The following ABCA6 variants were observed in gnomAD, a reference collection of about 807,000 sequenced individuals.
ABCA6 encodes ATP binding cassette subfamily A member 6, also known as ATP-binding cassette sub-family A member 6.
ABCA6 carries 164 observed loss-of-function variants against 191.2 expected under a neutral mutation model. The ratio of observed to expected loss-of-function variants is 0.86; its 90% CI spans 0.76 to 0.98. The LOEUF is 0.98. ABCA6 is among the 50% of genes least tolerant of loss of function. ABCA6 has a pLI of 0.00. For missense variants in ABCA6, 1,958 were observed against 1,894.1 expected, an observed-to-expected ratio of 1.03 and a Z score of -0.63; for synonymous variants, 636 against 647.7, an observed-to-expected ratio of 0.98 and a Z score of 0.27.
intron 2 of ABCA6, 77 bp from the exon 3 acceptor site, chr17:69,137,577 T>C (rs1330678501): frequency 5.9e-6 from 8 of 1,367,318 alleles, no homozygotes; most frequent in African/African-American, 1.5e-5. Context: ...CAAAATACTG[T>C]TGAAAACAAA....
At chr17:69,131,024 C>A (rs2073852408) in intron 6 of ABCA6, among the ~76,000 whole-genome samples, 1 of 152,144 alleles carries the variant, frequency 6.6e-6, no homozygotes, top group Admixed American at 6.6e-5. Context: ...AATCTTAGAT[C>A]TAACAAGACT....
Position 69,087,355 on chromosome 17 carries a change from C to G in ABCA6, c.3817G>C (p.Glu1273Gln). 6.2e-7 allele frequency: 1 copy of G among 1,612,760 alleles called. No homozygotes were observed. Among genetic ancestry groups the G allele is most frequent in the Non-Finnish European group, 8.5e-7 (1 of 1,179,558 alleles). Residue 1273 changes from glutamate (E) to glutamine (Q), a missense_variant and splice_region_variant, in exon 29 of 39, where the codon GAG (glutamate) becomes CAG (glutamine). Transcript: ENST00000284425. ...ATALTTSILD[E>Q]KPVIIASCLH... ...CATTTTGCCCCTTGCTTTTTTACCT[C>G]ATCTAAGATTGAAGTGGTCAGAGCA... is the stretch of plus-strand genomic sequence containing the variant.
Position 69,112,251 on chromosome 17 carries a change from A to C in ABCA6, c.2064T>G (p.Asn688Lys), listed in dbSNP as rs1229482194. Residue 688 changes from asparagine to lysine, a missense_variant, in exon 16 of 39, where the codon AAT becomes AAG. By Grantham distance (94) the Asn-to-Lys change is moderately conservative. Transcript: ENST00000284425. Reference protein sequence around the residue: ...ILADRKVIMSNGRLKCAGSSM... With the variant: ...ILADRKVIMSKGRLKCAGSSM... ...AAGAACCTGCACACTTCAGTCTCCCATTGGACATGATCACTTTTCTATCTG... is the reference window on the plus strand; with the variant it reads ...AAGAACCTGCACACTTCAGTCTCCCCTTGGACATGATCACTTTTCTATCTG... 5 of 1,612,238 alleles carry C rather than the reference A, an allele frequency of 3.1e-6. No individual in the cohort carries two copies. Among genetic ancestry groups the C allele is most frequent in the Non-Finnish European group, 4.2e-6 (5 of 1,178,782 alleles).
At chr17:69,095,151 A>T in intron 25 of ABCA6, 1 of 208,890 alleles carries the variant, frequency 4.8e-6, no homozygotes, top group Non-Finnish European at 1.0e-5. Flanking sequence ...TTCTACAGAC[A>T]TCTGATCTAG....
rs1206857039 is a variant in ABCA6 at position 69,110,870 on chromosome 17, T to C, written c.2203A>G (p.Lys735Glu). 1.9e-6 allele frequency: 3 copies of C among 1,612,200 alleles called. No individual in the cohort carries two copies. Among genetic ancestry groups the C allele is most frequent in the South Asian group, 1.1e-5 (1 of 90,972 alleles). The change falls in exon 17 of 39, where the codon AAA (lysine) becomes GAA (glutamate). Residue 735 changes from lysine to glutamate, a missense_variant. Lys to Glu is a moderately conservative substitution (Grantham distance 56). Coordinates refer to ENST00000284425, the MANE Select transcript of ABCA6 (RefSeq NM_080284.3). ...TTTTCTTTGTTTTCTGTTTTTAATT[T>C]AGCATCGGGGATGTGATGAGTAATG... ...SFITHHIPDA[K>E]LKTENKEKLV... is the part of the protein sequence containing the mutation.
Position 69,089,465 on chromosome 17 carries a change from T to C in ABCA6, c.3606A>G (p.Ile1202Met), listed in dbSNP as rs202198262. 5.0e-6 allele frequency: 8 copies of C among 1,613,522 alleles called. No homozygotes were observed. In the African/African-American group the frequency reaches 9.3e-5, roughly 19 times the overall value. Residue 1202 changes from isoleucine (I) to methionine (M), a missense_variant and splice_region_variant, in exon 27 of 39, where the codon ATA becomes ATG. Coordinates refer to ENST00000284425, the MANE Select transcript of ABCA6 (RefSeq NM_080284.3). ...TGCTGAGGTGGAAAGCCCTTCTTAC[T>C]ATGAAGCAGACTAGAAAATCAGTGG... ...LSATDFLVCF[I>M]PYFQTLLFVF...
chr17:69,086,456 C>G (rs998634889), intron 30 of ABCA6, among the ~76,000 whole-genome samples, 162 bp downstream of exon 30: 4 of 143,326 alleles, frequency 2.8e-5, no homozygotes, highest in African/African-American at 1.0e-4. Context: ...AATTGTATTT[C>G]CAGAGTCTAA....
intron 27 of ABCA6, among the ~76,000 whole-genome samples, chr17:69,088,894 T>C (rs956626802): frequency 4.6e-5 from 7 of 152,176 alleles, no homozygotes; most frequent in Admixed American, 3.9e-4. Flanking sequence ...GGGTCACTCT[T>C]GCCACTTCCT....
At chr17:69,122,086 A>G (rs2073658034) in intron 10 of ABCA6, among the ~76,000 whole-genome samples, 1 of 152,072 alleles carries the variant, frequency 6.6e-6, no homozygotes, top group South Asian at 2.1e-4. Context: ...GTATGTTAAG[A>G]GCATAGACTG....
At chr17:69,120,027 G>C (rs1056555146) in intron 10 of ABCA6, among the ~76,000 whole-genome samples, 3 of 151,968 alleles carry the variant, frequency 2.0e-5, no homozygotes, top group Non-Finnish European at 4.4e-5. Context: ...AGTACAGTCT[G>C]ATACCATTTA....
At chr17:69,110,706 A>C in intron 17 of ABCA6, 95 bp downstream of exon 17, 2 of 1,423,088 alleles carry the variant, frequency 1.4e-6, no homozygotes, top group Non-Finnish European at 1.9e-6. Flanking sequence ...AAAACTAAGA[A>C]AAAGTCTAAA....
chr17:69,087,652 C>G (rs920734315), intron 28 of ABCA6, 179 bp from the exon 29 acceptor site: 2 of 768,588 alleles, frequency 2.6e-6, no homozygotes, highest in Non-Finnish European at 4.1e-6. Flanking sequence ...TAGCCAGAAT[C>G]CTTTTCTTAA....
intron 31 of ABCA6, 123 bp from the exon 32 acceptor site, chr17:69,085,305 A>C (rs2072754550): frequency 1.1e-6 from 1 of 892,676 alleles, no homozygotes; most frequent in African/African-American, 1.7e-5. Flanking sequence ...TATAGAAATT[A>C]CTTCATATAT....
rs747895479 is a variant in ABCA6, at chr17:69,100,919, C to T, written c.2890G>A (p.Val964Ile). Reference sequence around the variant, plus strand: ...TGCAATCTCTTGGTATTACACACAACTGAAAATCTATAATCCTTAAAACAG... The same window carrying T: ...TGCAATCTCTTGGTATTACACACAATTGAAAATCTATAATCCTTAAAACAG... Reference protein sequence around the residue: ...SGKQKDYRFSVVCNTKRLHCF... With the variant: ...SGKQKDYRFSIVCNTKRLHCF... The change falls in exon 22 of 39, where the codon GTT (valine) becomes ATT (isoleucine). Residue 964 changes from valine (V) to isoleucine (I), a missense_variant. Coordinates refer to ENST00000284425, the MANE Select transcript of ABCA6 (RefSeq NM_080284.3). 1 of 1,593,292 alleles carries T rather than the reference C, an allele frequency of 6.3e-7. No homozygotes were observed. The highest frequency in any genetic ancestry group is 1.1e-5 in the South Asian group (1 of 87,970).
In ABCA6 at chr17:69,089,535, T is replaced by C; in HGVS notation, c.3536A>G (p.Gln1179Arg). ...GFKTFLEVRDQEHYREFPEAN... is the reference protein window; with the variant it reads ...GFKTFLEVRDREHYREFPEAN... ...CTCTGGAAATTCTCTGTAGTGCTCC[T>C]GGTCTCTCTGAAAAGACAAAACAAA... The change falls in exon 27 of 39, where the codon CAG (glutamine) becomes CGG (arginine). Residue 1179 changes from glutamine (Q) to arginine (R), a missense_variant. By Grantham distance (43) the Gln-to-Arg change is conservative. Transcript: ENST00000284425. 2 of 1,612,946 alleles carry C rather than the reference T, an allele frequency of 1.2e-6. No individual in the cohort carries two copies. The highest frequency in any genetic ancestry group is 1.7e-6 in the Non-Finnish European group (2 of 1,179,672).
intron 12 of ABCA6, among the ~76,000 whole-genome samples, chr17:69,115,139 A>G (rs1327575829): frequency 1.3e-5 from 2 of 152,136 alleles, no homozygotes; most frequent in African/African-American, 2.4e-5. Context: ...TGTTACAAAC[A>G]TATGCTTATA....
rs1453126813 is a variant in ABCA6, at chr17:69,137,509, C to T, written c.97-9G>A. 8.7e-6 allele frequency: 14 copies of T among 1,600,128 alleles called. No homozygotes were observed. The highest frequency in any genetic ancestry group is 1.8e-5 in the Admixed American group (1 of 56,934). On this transcript the variant is annotated splice_polypyrimidine_tract_variant and intron_variant, in intron 2 of 38. Transcript: ENST00000284425. ...ATTGAGAGGCCCCATTCCTGTAATGCATATAAAAAGAAAAATAATGAATTA... is the reference window on the plus strand; with the variant it reads ...ATTGAGAGGCCCCATTCCTGTAATGTATATAAAAAGAAAAATAATGAATTA...
chr17:69,134,716 AC>A lies in ABCA6; in HGVS notation c.486del (p.Glu162AspfsTer6), dbSNP rs1233358286. ...CAGTATTTGGTCAATGTACATGAAA[AC>A]TCACCATATCCATCCCAGCAATGAG... ...FSAHCWDGYG[E>X]FSCTLTKYWN... On this transcript the variant is annotated frameshift_variant, in exon 5 of 39. Coordinates refer to ENST00000284425, the MANE Select transcript of ABCA6 (RefSeq NM_080284.3). LOFTEE classifies it high-confidence loss of function. 2 of 1,613,380 alleles carry A rather than the reference AC, an allele frequency of 1.2e-6. No homozygotes were observed. The highest frequency in any genetic ancestry group is 3.3e-5 in the Admixed American group (2 of 59,936).
intron 12 of ABCA6, 87 bp from the exon 13 acceptor site, chr17:69,115,024 G>A (rs931367068): frequency 2.0e-6 from 2 of 1,001,706 alleles, no homozygotes; most frequent in African/African-American, 1.6e-5. Context: ...ATTGGCATAT[G>A]TTCACAAATG....
Sources: allele counts gnomAD v4.1 joint callset (sites outside exome capture counted in the v4.1 genomes callset), GRCh38; gene constraint gnomAD v4.1.1; transcripts MANE v1.5; gene names NCBI Gene and HGNC (gene_info 2026-07-23, HGNC 2026-07-21).